The following SKAP1 variants were observed in gnomAD, a reference collection of about 807,000 sequenced individuals.
SKAP1 encodes the protein src kinase associated phosphoprotein 1, also known as src kinase-associated phosphoprotein 1.
Under a neutral mutation model 58.5 loss-of-function variants are expected in SKAP1, and 44 were observed. That is an observed-to-expected ratio of 0.75 (90% CI 0.59 to 0.97). The LOEUF is 0.97. SKAP1 is among the 50% of genes least tolerant of loss of function. SKAP1 has a pLI of 0.00. For synonymous variants in SKAP1, 127 were observed against 149.7 expected (o/e 0.85, Z 1.11); for missense variants, 390 against 435.2 (o/e 0.90, Z 0.92).
intron 2 of SKAP1, among the ~76,000 whole-genome samples, chr17:48,394,426 C>A (rs2067390260): frequency 6.6e-6 from 1 of 152,146 alleles, no homozygotes; most frequent in South Asian, 2.1e-4. Flanking sequence ...ACTGCAGCCT[C>A]AACCTGCTAG....
upstream of SKAP1, among the ~76,000 whole-genome samples, chr17:48,433,760 G>C (rs572252190): frequency 7.9e-5 from 12 of 152,272 alleles, no homozygotes; most frequent in African/African-American, 2.9e-4. Flanking sequence ...CTTGTCCACC[G>C]GGACCCTTCA....
At chr17:48,227,604 T>C (rs2065083705) in intron 4 of SKAP1, among the ~76,000 whole-genome samples, 1 of 152,220 alleles carries the variant, frequency 6.6e-6, no homozygotes, top group Non-Finnish European at 1.5e-5. Context: ...ATTTTAGAAT[T>C]TTATAGAATG....
At chr17:48,228,279 A>C (rs2065090986) in intron 4 of SKAP1, among the ~76,000 whole-genome samples, 1 of 152,164 alleles carries the variant, frequency 6.6e-6, no homozygotes. Flanking sequence ...TAAAATACTT[A>C]ATTTTTTCAC....
chr17:48,260,152 C>A (rs2065468731), intron 4 of SKAP1, among the ~76,000 whole-genome samples: 1 of 152,030 alleles, frequency 6.6e-6, no homozygotes. Context: ...AAGTGTTGGA[C>A]AATTGTTTCC....
chr17:48,168,713 ACTTGTGTAG>A (rs937735940), intron 10 of SKAP1, among the ~76,000 whole-genome samples: 27 of 152,150 alleles, frequency 1.8e-4, no homozygotes, highest in Non-Finnish European at 3.7e-4. Context: ...AGTAGCCCAA[ACTTGTGTAG>A]CTTGTCTATG....
chr17:48,287,245 T>C (rs1001885060), intron 4 of SKAP1, among the ~76,000 whole-genome samples: 1 of 152,062 alleles, frequency 6.6e-6, no homozygotes, highest in Non-Finnish European at 1.5e-5. Flanking sequence ...GGTTCGACAT[T>C]TTCATTACCT....
chr17:48,317,626 C>T (rs921297583), intron 4 of SKAP1, among the ~76,000 whole-genome samples: 2 of 152,154 alleles, frequency 1.3e-5, no homozygotes, highest in Non-Finnish European at 2.9e-5. Flanking sequence ...TGATAATAGG[C>T]AAGTTGCTTA....
At chr17:48,279,066 A>G (rs2065736477) in intron 4 of SKAP1, among the ~76,000 whole-genome samples, 1 of 152,200 alleles carries the variant, frequency 6.6e-6, no homozygotes, top group South Asian at 2.1e-4. Flanking sequence ...ACTTCTGAGT[A>G]CTAAATGTGT....
intron 1 of SKAP1, among the ~76,000 whole-genome samples, chr17:48,399,394 T>C (rs1286497434): frequency 6.6e-6 from 1 of 151,910 alleles, no homozygotes; most frequent in East Asian, 1.9e-4. Context: ...CTCAACAAAC[T>C]AGGAATAGAA....
Position 48,167,622 on chromosome 17 carries a change from G to T in SKAP1, c.877+2987C>A, listed in dbSNP as rs943517773. Among the ~76,000 whole-genome samples the T allele has an allele frequency of 2.6e-5, 4 of 152,258 alleles. No individual in the cohort carries two copies. In the South Asian group the frequency reaches 8.3e-4, roughly 32 times the overall value. ...TTGCTTATAAGACCACAATAGTGTGGTCTGTGTCTCCTTTTGGCTTAGTTT... is the reference window on the plus strand; with the variant it reads ...TTGCTTATAAGACCACAATAGTGTGTTCTGTGTCTCCTTTTGGCTTAGTTT... On this transcript the variant is annotated intron_variant, in intron 10 of 12. Transcript: ENST00000336915.
chr17:48,396,849 G>A, intron 1 of SKAP1, 64 bp from the exon 2 acceptor site: 1 of 1,247,640 alleles, frequency 8.0e-7, no homozygotes, highest in South Asian at 1.2e-5. Context: ...AAAATCAGAA[G>A]GATTAAGAAA....
chr17:48,208,754 T>C (rs1371801839), intron 4 of SKAP1, among the ~76,000 whole-genome samples: 1 of 152,186 alleles, frequency 6.6e-6, no homozygotes, highest in African/African-American at 2.4e-5. Context: ...GGGCAACAAA[T>C]CTTTGACAGT....
intron 1 of SKAP1, among the ~76,000 whole-genome samples, chr17:48,404,474 C>T (rs1266556479): frequency 1.3e-5 from 2 of 151,894 alleles, no homozygotes; most frequent in Non-Finnish European, 2.9e-5. Flanking sequence ...AACAAAAATT[C>T]GTATGGCGAG....
intron 4 of SKAP1, among the ~76,000 whole-genome samples, chr17:48,230,179 C>T (rs2065111390): frequency 6.6e-6 from 1 of 152,178 alleles, no homozygotes; most frequent in South Asian, 2.1e-4. Context: ...CCTGTAATAT[C>T]TGCCCTGCAA....
chr17:48,147,678 C>G (rs1013751973), intron 11 of SKAP1, among the ~76,000 whole-genome samples: 1 of 152,126 alleles, frequency 6.6e-6, no homozygotes, highest in Non-Finnish European at 1.5e-5. Context: ...GTGAAAGGAT[C>G]GAAGCTCAGC....
chr17:48,173,029 A>C (rs1270531910), intron 9 of SKAP1, among the ~76,000 whole-genome samples: 1 of 152,026 alleles, frequency 6.6e-6, no homozygotes, highest in East Asian at 1.9e-4. Flanking sequence ...TAAAAATAAA[A>C]ATTAGCTAGG....
chr17:48,174,573 AG>A (rs2064264074), intron 9 of SKAP1, among the ~76,000 whole-genome samples: 1 of 152,222 alleles, frequency 6.6e-6, no homozygotes, highest in Non-Finnish European at 1.5e-5. Context: ...GCTCACAAGA[AG>A]GGGTGGGTTA....
Position 48,189,428 on chromosome 17 carries a change from C to T in SKAP1, c.353G>A (p.Ser118Asn), listed in dbSNP as rs750956834. 1.9e-6 allele frequency: 3 copies of T among 1,612,238 alleles called. No individual in the cohort carries two copies. The highest frequency in any genetic ancestry group is 2.2e-5 in the East Asian group (1 of 44,864). The change falls in exon 5 of 13, where the codon AGC becomes AAC. Residue 118 changes from serine to asparagine, a missense_variant. Coordinates refer to ENST00000336915, the MANE Select transcript of SKAP1 (RefSeq NM_003726.4). Reference sequence around the variant, plus strand: ...TCTGTGGGTCTGACCAATACCTTTGCTTTTCTTCTCCAAGTATCCTTGCTT... The same window carrying T: ...TCTGTGGGTCTGACCAATACCTTTGTTTTTCTTCTCCAAGTATCCTTGCTT... Reference protein sequence around the residue: ...VIKQGYLEKKSKDHSFFGSEW... With the variant: ...VIKQGYLEKKNKDHSFFGSEW...
chr17:48,353,362 A>C (rs1486551012), intron 3 of SKAP1, among the ~76,000 whole-genome samples: 1 of 152,192 alleles, frequency 6.6e-6, no homozygotes, highest in Non-Finnish European at 1.5e-5. Context: ...GAGCAGGAAA[A>C]GCCTTTGAAA....
Sources: allele counts gnomAD v4.1 joint callset (sites outside exome capture counted in the v4.1 genomes callset), GRCh38; gene constraint gnomAD v4.1.1; transcripts MANE v1.5; gene names NCBI Gene and HGNC (gene_info 2026-07-23, HGNC 2026-07-21).